PTPRM: variants seen among roughly 807,000 people sequenced by gnomAD.
The protein encoded by PTPRM is receptor-type tyrosine-protein phosphatase mu.
In PTPRM, 47 loss-of-function variants were observed where a neutral mutation model predicts 186.7. The ratio of observed to expected loss-of-function variants is 0.25; its 90% CI spans 0.20 to 0.32. PTPRM has a LOEUF of 0.32. Among genes scored for constraint, PTPRM ranks in the 10% least tolerant of loss-of-function variants. The probability of loss-of-function intolerance (pLI) is 1.00; values close to 1 mark genes in which losing one functional copy is unlikely to be tolerated. For synonymous variants in PTPRM, 668 were observed against 674.9 expected (o/e 0.99, Z 0.16); for missense variants, 1,494 against 1,865.0 (o/e 0.80, Z 3.66).
intron 1 of PTPRM, chr18:7,741,909 A>T (rs1413977161): frequency 6.6e-6 from 1 of 152,194 alleles, no homozygotes; most frequent in African/African-American, 2.4e-5. Context: ...ATTCCTGTTT[A>T]TGGGAATGGC....
At chr18:7,856,832 G>A (rs1722912229) in intron 2 of PTPRM, among the ~76,000 whole-genome samples, 1 of 152,006 alleles carries the variant, frequency 6.6e-6, no homozygotes, top group Admixed American at 6.5e-5. Flanking sequence ...TGGTGTATAT[G>A]CAGACAATAA....
chr18:7,621,827 C>T (rs1331118874), intron 1 of PTPRM, among the ~76,000 whole-genome samples: 1 of 152,192 alleles, frequency 6.6e-6, no homozygotes, highest in Non-Finnish European at 1.5e-5. Flanking sequence ...CCTAATAATA[C>T]TCTCATCATC....
At position 8,000,137 on chromosome 18, in the gene PTPRM, G is replaced by T. The variant is rs546913586; in HGVS notation, c.1132+44723G>T. ...AGGGCAATCTGCTTTGCTCAGTAAC[G>T]TGATGCAGGTGTTAAACTCACCCAG... On this transcript the variant is annotated intron_variant, in intron 7 of 32. Coordinates refer to ENST00000580170, the MANE Select transcript of PTPRM (RefSeq NM_001105244.2). Among the ~76,000 whole-genome samples, 16 of 152,316 alleles carry T rather than the reference G, an allele frequency of 1.1e-4. No individual in the cohort carries two copies. The South Asian group carries it at 2.7e-3, about 26-fold the overall frequency.
At chr18:8,263,772 A>G (rs947602900) in intron 19 of PTPRM, among the ~76,000 whole-genome samples, 8 of 152,148 alleles carry the variant, frequency 5.3e-5, no homozygotes, top group African/African-American at 1.9e-4. Context: ...GAATATATAC[A>G]TGGAGGTGCT....
intron 2 of PTPRM, among the ~76,000 whole-genome samples, chr18:7,824,061 G>A (rs1275871925): frequency 1.3e-5 from 2 of 152,066 alleles, no homozygotes; most frequent in African/African-American, 2.4e-5. Context: ...CCTCTCTAAC[G>A]TGCATATCTT....
intron 13 of PTPRM, among the ~76,000 whole-genome samples, chr18:8,134,612 T>C (rs1402115174): frequency 6.6e-6 from 1 of 151,894 alleles, no homozygotes; most frequent in Non-Finnish European, 1.5e-5. Context: ...CAGAATTGTA[T>C]TGATCATATT....
rs140200410 is a variant in PTPRM at position 7,680,363 on chromosome 18, G to A, written c.74-93786G>A. Among the ~76,000 whole-genome samples, 54 of 152,258 alleles carry A rather than the reference G, an allele frequency of 3.5e-4. 1 individual carries two copies. Among genetic ancestry groups the A allele is most frequent in the Admixed American group, 1.8e-3 (27 of 15,300 alleles). On this transcript the variant is annotated intron_variant, in intron 1 of 32. Coordinates refer to ENST00000580170, the MANE Select transcript of PTPRM (RefSeq NM_001105244.2). ...GGCAACAATGTGAATAGCCACTTGC[G>A]TACAGCAGCGTGCCATATTCAACTT...
intron 11 of PTPRM, among the ~76,000 whole-genome samples, chr18:8,095,892 T>C (rs1053551074): frequency 6.6e-6 from 1 of 152,204 alleles, no homozygotes; most frequent in Non-Finnish European, 1.5e-5. Flanking sequence ...GACTTTCCAA[T>C]AATTCATTGG....
chr18:8,163,532 C>A (rs562327684), intron 14 of PTPRM, among the ~76,000 whole-genome samples: 5 of 152,134 alleles, frequency 3.3e-5, no homozygotes, highest in Non-Finnish European at 7.3e-5. Context: ...GCACAGAGGA[C>A]AATATTTTAC....
chr18:8,098,046 A>G (rs112281045), intron 11 of PTPRM, among the ~76,000 whole-genome samples: 65 of 152,314 alleles, frequency 4.3e-4, no homozygotes, highest in African/African-American at 1.5e-3. Flanking sequence ...GTAGAGTCAC[A>G]TACCATATAG....
chr18:8,256,605 A>T (rs528826707), intron 19 of PTPRM, among the ~76,000 whole-genome samples: 2 of 152,212 alleles, frequency 1.3e-5, no homozygotes, highest in Non-Finnish European at 2.9e-5. Flanking sequence ...TGCGCATAGC[A>T]GTCTGAGGAT....
At chr18:7,942,455 G>T (rs945946793) in intron 5 of PTPRM, among the ~76,000 whole-genome samples, 1 of 152,042 alleles carries the variant, frequency 6.6e-6, no homozygotes, top group African/African-American at 2.4e-5. Context: ...ACTGAACAAG[G>T]CCTGTTTGTT....
rs1277358288 is a variant in PTPRM at position 7,926,595 on chromosome 18, A to G, written c.575A>G (p.Gln192Arg). 2 of 1,613,300 alleles carry G rather than the reference A, an allele frequency of 1.2e-6. No homozygotes were observed. The highest frequency in any genetic ancestry group is 2.2e-5 in the South Asian group (2 of 90,956). The change falls in exon 5 of 33, where the codon CAG becomes CGG. Residue 192 changes from glutamine (Q) to arginine (R), a missense_variant. Gln to Arg is a conservative substitution (Grantham distance 43). This residue lies in a region of PTPRM where 296 missense variants were observed against 345.5 expected (regional missense o/e 0.86). Transcript: ENST00000580170. ...AGGACTCCTCACTTCCTGCGGATTC[A>G]GAATGTGGAAGTTAATGCTGGCCAG... is the stretch of plus-strand genomic sequence containing the variant. ...CTRTPHFLRIQNVEVNAGQFA... is the reference protein window; with the variant it reads ...CTRTPHFLRIRNVEVNAGQFA...
chr18:7,614,378 A>G (rs946029774), intron 1 of PTPRM, among the ~76,000 whole-genome samples: 1 of 152,208 alleles, frequency 6.6e-6, no homozygotes, highest in Non-Finnish European at 1.5e-5. Context: ...GTGTGATCAA[A>G]CATCATTTAG....
chr18:8,385,555 C>T (rs1266006405), intron 30 of PTPRM, among the ~76,000 whole-genome samples: 1 of 152,142 alleles, frequency 6.6e-6, no homozygotes, highest in African/African-American at 2.4e-5. Context: ...CAAGGCAGGG[C>T]CTTGCATGTG....
chr18:7,647,137 A>G (rs1016924929), intron 1 of PTPRM, among the ~76,000 whole-genome samples: 5 of 152,068 alleles, frequency 3.3e-5, no homozygotes, highest in Non-Finnish European at 4.4e-5. Flanking sequence ...GTATTTAGCT[A>G]TTGAATGAGC....
At chr18:7,761,784 T>G (rs748185447) in intron 1 of PTPRM, among the ~76,000 whole-genome samples, 137 of 152,258 alleles carry the variant, frequency 9.0e-4, no homozygotes, top group Non-Finnish European at 1.5e-3. Flanking sequence ...ACATCATGCC[T>G]GGCACACAAG....
chr18:7,788,395 T>C (rs1471745203), intron 2 of PTPRM, among the ~76,000 whole-genome samples: 3 of 152,164 alleles, frequency 2.0e-5, no homozygotes, highest in South Asian at 2.1e-4. Context: ...TTTGGAAAAA[T>C]ATGAAAGTAT....
At chr18:8,070,243 A>G (rs1013969617) in intron 8 of PTPRM, among the ~76,000 whole-genome samples, 1 of 152,190 alleles carries the variant, frequency 6.6e-6, no homozygotes, top group African/African-American at 2.4e-5. Flanking sequence ...ATTGCTCTCA[A>G]TAGTTCTTCA....
Sources: gnomAD v4.1 joint callset for allele counts (sites outside exome capture counted in the v4.1 genomes callset) on GRCh38, gnomAD v4.1.1 for gene constraint, gnomAD v4.1.1 regional missense constraint, MANE v1.5 for transcripts, NCBI Gene and HGNC (gene_info 2026-07-23, HGNC 2026-07-21) for gene names.